CPED1: variants seen among roughly 807,000 people sequenced by gnomAD.
The protein encoded by CPED1 is cadherin like and PC-esterase domain containing 1.
In CPED1, 114 loss-of-function variants were observed where a neutral mutation model predicts 128.2. That is an observed-to-expected ratio of 0.89 (90% CI 0.76 to 1.04). The LOEUF (loss-of-function observed/expected upper bound fraction) is 1.04, where lower values mean the gene tolerates loss of function less well. Among genes scored for constraint, CPED1 ranks in the 50% least tolerant of loss-of-function variants. The pLI is 0.00. For synonymous variants in CPED1, 462 were observed against 426.7 expected, an observed-to-expected ratio of 1.08 and a Z score of -1.02; for missense variants, 1,211 against 1,207.1, an observed-to-expected ratio of 1.00 and a Z score of -0.05.
chr7:121,188,576 G>C (rs1797057014), intron 16 of CPED1, among the ~76,000 whole-genome samples: 7 of 152,128 alleles, frequency 4.6e-5, no homozygotes, highest in Admixed American at 4.6e-4. Context: ...CCTAGAGAGA[G>C]ATTGTGAGGA....
chr7:121,101,429 A>G (rs1794847370), intron 7 of CPED1, among the ~76,000 whole-genome samples: 1 of 151,658 alleles, frequency 6.6e-6, no homozygotes, highest in Non-Finnish European at 1.5e-5. Context: ...ATTTTTGCTC[A>G]CTGTTTTTAT....
chr7:121,077,667 A>G (rs1794166079), intron 5 of CPED1, among the ~76,000 whole-genome samples: 2 of 150,714 alleles, frequency 1.3e-5, no homozygotes, highest in South Asian at 2.1e-4. Flanking sequence ...CATTATATAT[A>G]TATGTATTAA....
chr7:121,081,122 C>T (rs1435360136), intron 5 of CPED1, among the ~76,000 whole-genome samples: 1 of 152,064 alleles, frequency 6.6e-6, no homozygotes, highest in Admixed American at 6.6e-5. Context: ...TCATTTTAAC[C>T]ATAATTAATA....
At chr7:121,037,745 G>A (rs1226741380) in intron 3 of CPED1, among the ~76,000 whole-genome samples, 1 of 152,126 alleles carries the variant, frequency 6.6e-6, no homozygotes, top group Non-Finnish European at 1.5e-5. Flanking sequence ...CATTTTGACA[G>A]TATTAATTCT....
chr7:121,050,782 C>T (rs957355628), intron 4 of CPED1: 12 of 456,442 alleles, frequency 2.6e-5, no homozygotes, highest in Middle Eastern at 5.6e-4. Flanking sequence ...TCTTAAGTAG[C>T]TTTCTGGTGG....
At chr7:121,072,236 C>A (rs760259286) in intron 5 of CPED1, among the ~76,000 whole-genome samples, 1 of 151,684 alleles carries the variant, frequency 6.6e-6, no homozygotes, top group Non-Finnish European at 1.5e-5. Context: ...TGTTCCCTCC[C>A]CCTAGGATGC....
intron 16 of CPED1, among the ~76,000 whole-genome samples, chr7:121,143,856 A>T (rs1178593992): frequency 6.6e-6 from 1 of 152,022 alleles, no homozygotes; most frequent in East Asian, 1.9e-4. Context: ...AGACACACAC[A>T]CACAAAATCT....
chr7:121,253,818 C>T (rs953475246), intron 18 of CPED1, among the ~76,000 whole-genome samples: 1 of 151,772 alleles, frequency 6.6e-6, no homozygotes. Context: ...TTAAGAAGGA[C>T]AAAGAAAGGT....
chr7:121,163,569 CT>C (rs796484739), intron 16 of CPED1, among the ~76,000 whole-genome samples: 27 of 152,312 alleles, frequency 1.8e-4, no homozygotes, highest in African/African-American at 6.5e-4. Context: ...TCCTATCTTA[CT>C]TGTGTCATTT....
chr7:121,091,089 A>G (rs1412473465), intron 5 of CPED1, among the ~76,000 whole-genome samples: 1 of 152,268 alleles, frequency 6.6e-6, no homozygotes, highest in African/African-American at 2.4e-5. Context: ...ACTACAAGCT[A>G]TTTCTGTTTT....
Position 121,050,914 on chromosome 7 carries a change from C to T in CPED1, c.540+3921C>T, listed in dbSNP as rs1433743072. 1.0e-5 allele frequency: 5 copies of T among 486,154 alleles called. No homozygotes were observed. In the East Asian group the frequency reaches 2.5e-4, roughly 24 times the overall value. 30.1% of individuals were successfully genotyped at this position (486,154 alleles called of 1,614,324 possible). A position where few individuals can be genotyped will look rare whatever the true frequency, so the allele number is the denominator to read the frequency against. On this transcript the variant is annotated intron_variant, in intron 4 of 22. Coordinates refer to ENST00000310396, the MANE Select transcript of CPED1 (RefSeq NM_024913.5). ...GCACCCTCCTCGTCACCAGGATGCCCAAGAAGAAGGTCATGAAGGGACCAT... is the reference window on the plus strand; with the variant it reads ...GCACCCTCCTCGTCACCAGGATGCCTAAGAAGAAGGTCATGAAGGGACCAT...
At chr7:121,267,371 C>A in intron 21 of CPED1, 69 bp downstream of exon 21, 3 of 867,850 alleles carry the variant, frequency 3.5e-6, no homozygotes, top group Non-Finnish European at 5.4e-6. Context: ...GAAAAAGACC[C>A]GTAAGGCACT....
intron 3 of CPED1, among the ~76,000 whole-genome samples, chr7:121,044,624 A>G (rs931850933): frequency 2.3e-5 from 3 of 130,144 alleles, no homozygotes; most frequent in Non-Finnish European, 4.9e-5. Context: ...CCTCAAAGAG[A>G]TTGCTGAGAG....
chr7:121,288,061 G>A (rs1056498855), intron 22 of CPED1, among the ~76,000 whole-genome samples: 2 of 152,014 alleles, frequency 1.3e-5, no homozygotes, highest in African/African-American at 2.4e-5. Context: ...GTAATGAAAT[G>A]TTTCATAATA....
At chr7:121,234,083 T>G (rs1798198571) in intron 16 of CPED1, among the ~76,000 whole-genome samples, 1 of 152,128 alleles carries the variant, frequency 6.6e-6, no homozygotes, top group Admixed American at 6.6e-5. Flanking sequence ...CTATGTCTCC[T>G]GACTCCTTTT....
intron 5 of CPED1, 77 bp from the exon 6 acceptor site, chr7:121,097,622 C>A: frequency 6.6e-7 from 1 of 1,522,124 alleles, no homozygotes; most frequent in Non-Finnish European, 9.0e-7. Flanking sequence ...CAGTTTAATA[C>A]AGCATACTCT....
intron 5 of CPED1, among the ~76,000 whole-genome samples, chr7:121,088,382 G>A (rs1378831869): frequency 6.6e-6 from 1 of 151,952 alleles, no homozygotes; most frequent in Non-Finnish European, 1.5e-5. Flanking sequence ...ATTTGAGGCC[G>A]GGCGCAGTGG....
In CPED1 at chr7:121,238,016, A is replaced by G. The variant is rs147396350; in HGVS notation, c.2173+1185A>G. ...TGTCCAGTTAAATATTTTTTATCAG[A>G]TGACAATTTACGAGAAATCATTAAA... On this transcript the variant is annotated intron_variant, in intron 17 of 22. Transcript: ENST00000310396. Among the ~76,000 whole-genome samples the G allele has an allele frequency of 1.0e-3, 152 of 152,304 alleles. 1 individual carries two copies. The highest frequency in any genetic ancestry group is 5.2e-3 in the South Asian group (25 of 4,824).
At chr7:121,098,973 A>G (rs1256340891) in intron 6 of CPED1, among the ~76,000 whole-genome samples, 1 of 151,062 alleles carries the variant, frequency 6.6e-6, no homozygotes, top group East Asian at 1.9e-4. Flanking sequence ...TTCATTACAA[A>G]ATATTAAACT....
Sources: allele counts gnomAD v4.1 joint callset (sites outside exome capture counted in the v4.1 genomes callset), GRCh38; gene constraint gnomAD v4.1.1; transcripts MANE v1.5; gene names NCBI Gene and HGNC (gene_info 2026-07-23, HGNC 2026-07-21).